DLG4: variants seen among roughly 807,000 people sequenced by gnomAD.
DLG4 encodes the protein discs large MAGUK scaffold protein 4, also known as disks large homolog 4.
Under a neutral mutation model 93.8 loss-of-function variants are expected in DLG4, and 7 were observed. That is an observed-to-expected ratio of 0.07 (90% CI 0.04 to 0.14). The LOEUF is 0.14. Among genes scored for constraint, DLG4 ranks in the 10% least tolerant of loss-of-function variants. The pLI, the probability that DLG4 is intolerant of heterozygous loss-of-function variation, is 1.00. For synonymous variants in DLG4, 341 were observed against 387.6 expected (o/e 0.88, Z 1.41); for missense variants, 545 against 992.9 (o/e 0.55, Z 6.06).
chr17:7,204,383 G>T, intron 2 of DLG4, 131 bp from the exon 3 acceptor site: 1 of 818,812 alleles, frequency 1.2e-6, no homozygotes, highest in Non-Finnish European at 1.9e-6. Context: ...CCTGAGAGCT[G>T]CTCAAGGGCC....
intron 1 of DLG4, among the ~76,000 whole-genome samples, chr17:7,213,100 T>TTCTTTC (rs1567551480): frequency 1.0e-4 from 13 of 125,410 alleles, no homozygotes; most frequent in African/African-American, 3.8e-4. Flanking sequence ...TCTTTCTTTT[T>TTCTTTC]TTTTTTTTTT....
At position 7,194,879 on chromosome 17, in the gene DLG4, C is replaced by T. The variant is rs535848047; in HGVS notation, c.1302-384G>A. Reference sequence around the variant, plus strand: ...CTAAAAATACAAAATATTAGCCGGGCACGGTGGCGGGTGCCTGTATTCCCA... The same window carrying T: ...CTAAAAATACAAAATATTAGCCGGGTACGGTGGCGGGTGCCTGTATTCCCA... On this transcript the variant is annotated intron_variant, in intron 11 of 19. Coordinates refer to ENST00000399506, the MANE Select transcript of DLG4 (RefSeq NM_001321075.3). The surrounding 1 kb of genome is among the most constrained non-coding windows in gnomAD (Gnocchi z 4.4). Among the ~76,000 whole-genome samples the T allele has an allele frequency of 1.6e-4, 24 of 151,880 alleles. No individual in the cohort carries two copies. The highest frequency in any genetic ancestry group is 3.4e-4 in the Non-Finnish European group (23 of 67,946).
chr17:7,219,998 G>T, upstream of DLG4: 1 of 1,603,550 alleles, frequency 6.2e-7, no homozygotes, highest in Non-Finnish European at 8.5e-7. Flanking sequence ...CAGGCGGCTC[G>T]GATGGCCGCG....
chr17:7,199,110 T>TTTA (rs2069974687), intron 8 of DLG4, among the ~76,000 whole-genome samples: 1 of 152,218 alleles, frequency 6.6e-6, no homozygotes, highest in Non-Finnish European at 1.5e-5. Flanking sequence ...AAAGGGAGGA[T>TTTA]AAATGCATGC....
At position 7,194,912 on chromosome 17, in the gene DLG4, G is replaced by A. The variant is rs1357359437; in HGVS notation, c.1302-417C>T. 6.6e-6 allele frequency among the ~76,000 whole-genome samples: 1 copy of A among 151,864 alleles called. No individual in the cohort carries two copies. The highest frequency in any genetic ancestry group is 6.6e-5 in the Admixed American group (1 of 15,250). On this transcript the variant is annotated intron_variant, in intron 11 of 19. Coordinates refer to ENST00000399506, the MANE Select transcript of DLG4 (RefSeq NM_001321075.3). The surrounding 1 kb of genome is among the most constrained non-coding windows in gnomAD (Gnocchi z 4.4). ...CGGGTGCCTGTATTCCCAGCTTCTC[G>A]GGAGGCTGAGGCAGGAAAATGGCAT...
Position 7,189,158 on chromosome 17 carries a change from G to GT in DLG4, c.*1549dup, listed in dbSNP as rs2142792641. Among the ~76,000 whole-genome samples, 1 of 148,730 alleles carries GT rather than the reference G, an allele frequency of 6.7e-6. No homozygotes were observed. Among genetic ancestry groups the GT allele is most frequent in the Non-Finnish European group, 1.5e-5 (1 of 67,404 alleles). ...GGGGGGGCGCATAAAGAAACCTAGCGTATATTCACACAGCAGTTCTTATCA... is the reference window on the plus strand; with the variant it reads ...GGGGGGGCGCATAAAGAAACCTAGCGTTATATTCACACAGCAGTTCTTATCA... On this transcript the variant is annotated 3_prime_UTR_variant, in exon 20 of 20. Coordinates refer to ENST00000399506, the MANE Select transcript of DLG4 (RefSeq NM_001321075.3).
At chr17:7,214,669 C>T (rs932237430) in intron 1 of DLG4, among the ~76,000 whole-genome samples, 5 of 152,242 alleles carry the variant, frequency 3.3e-5, no homozygotes, top group Non-Finnish European at 7.3e-5. Context: ...CTTCCGCCAC[C>T]CTCGCCCGGC....
chr17:7,219,609 A>C, upstream of DLG4: 2 of 1,162,886 alleles, frequency 1.7e-6, no homozygotes, highest in Non-Finnish European at 2.1e-6. Context: ...CTCTTTCCCT[A>C]CTTTTCCCTT....
rs916273608 is a variant in DLG4, at chr17:7,190,440, C to T, written c.*268G>A. 6.4e-6 allele frequency: 3 copies of T among 465,126 alleles called. No homozygotes were observed. The highest frequency in any genetic ancestry group is 2.4e-5 in the South Asian group (1 of 41,772). 28.8% of individuals were successfully genotyped at this position (465,126 alleles called of 1,614,324 possible). On this transcript the variant is annotated 3_prime_UTR_variant, in exon 20 of 20. Transcript: ENST00000399506. ...TGTGTGCATTGGGGGCAGGTGGGGGCGGGGATCCTAAGGAGCAAGGGCTCG... is the reference window on the plus strand; with the variant it reads ...TGTGTGCATTGGGGGCAGGTGGGGGTGGGGATCCTAAGGAGCAAGGGCTCG...
Position 7,187,704 on chromosome 17 carries a change from C to T in DLG4, c.*3004G>A, listed in dbSNP as rs1434826842. Among the ~76,000 whole-genome samples the T allele has an allele frequency of 1.3e-5, 2 of 152,058 alleles. No homozygotes were observed. Among genetic ancestry groups the T allele is most frequent in the Admixed American group, 6.6e-5 (1 of 15,252 alleles). Reference sequence around the variant, plus strand: ...CTCCTAGATTTCTCCCTTCAGCTCACGATAGAGAACGTTATCACAGCCTCA... The same window carrying T: ...CTCCTAGATTTCTCCCTTCAGCTCATGATAGAGAACGTTATCACAGCCTCA... On this transcript the variant is annotated 3_prime_UTR_variant, in exon 20 of 20. Coordinates refer to ENST00000399506, the MANE Select transcript of DLG4 (RefSeq NM_001321075.3).
At chr17:7,198,608 G>A (rs546772073) in intron 8 of DLG4, among the ~76,000 whole-genome samples, 1 of 152,160 alleles carries the variant, frequency 6.6e-6, no homozygotes, top group South Asian at 2.1e-4. Context: ...CCAGCACTTT[G>A]GGAGGCCGAG....
chr17:7,203,224 C>T lies in DLG4; in HGVS notation c.611G>A (p.Gly204Glu). Residue 204 changes from glycine (G) to glutamate (E), a missense_variant, in exon 7 of 20, where the codon GGG (glycine) becomes GAG (glutamate). Around this residue, in one of 5 missense-constraint regions of DLG4, gnomAD observed 428 missense variants for 741.4 expected, o/e 0.58. Transcript: ENST00000399506. This position sits in a 1 kb window ranked among gnomAD's most constrained non-coding sequence, Gnocchi z 7.2. Reference protein sequence around the residue: ...IIEGGAAHKDGRLQIGDKILA... With the variant: ...IIEGGAAHKDERLQIGDKILA... ...GATCTTGTCTCCAATCTGCAACCTC[C>T]CATCCTTGTGGGCAGCACCCCCTTC... 6.2e-7 allele frequency: 1 copy of T among 1,608,296 alleles called. No homozygotes were observed. Among genetic ancestry groups the T allele is most frequent in the African/African-American group, 1.3e-5 (1 of 74,970 alleles).
At chr17:7,198,601 G>A (rs1160501107) in intron 8 of DLG4, among the ~76,000 whole-genome samples, 2 of 152,064 alleles carry the variant, frequency 1.3e-5, no homozygotes, top group Admixed American at 6.6e-5. Context: ...TGTAATCCCA[G>A]CACTTTGGGA....
In DLG4 at chr17:7,193,823, T is replaced by TC. The variant is rs1244899760; in HGVS notation, c.1543+20dup. On this transcript the variant is annotated intron_variant, in intron 14 of 19. Coordinates refer to ENST00000399506, the MANE Select transcript of DLG4 (RefSeq NM_001321075.3). This position sits in a 1 kb window ranked among gnomAD's most constrained non-coding sequence, Gnocchi z 6.7. Reference sequence around the variant, plus strand: ...CTCAGTGCTCCTCTCACCCACATCTTCCCGAACTAACCCTACCTACCCTGC... The same window carrying TC: ...CTCAGTGCTCCTCTCACCCACATCTTCCCCGAACTAACCCTACCTACCCTGC... 3 of 1,612,910 alleles carry TC rather than the reference T, an allele frequency of 1.9e-6. No individual in the cohort carries two copies. Among genetic ancestry groups the TC allele is most frequent in the East Asian group, 4.5e-5 (2 of 44,856 alleles).
At chr17:7,202,709 C>T (rs966446226) in intron 8 of DLG4, 194 bp downstream of exon 8, 15 of 728,262 alleles carry the variant, frequency 2.1e-5, no homozygotes, top group Middle Eastern at 4.8e-4. Context: ...GGAGAGAGAT[C>T]GTTGACGATC....
In DLG4 at chr17:7,204,307, C is replaced by T. The variant is rs956875849; in HGVS notation, c.97-55G>A. On this transcript the variant is annotated intron_variant, in intron 2 of 19. Coordinates refer to ENST00000399506, the MANE Select transcript of DLG4 (RefSeq NM_001321075.3). Reference sequence around the variant, plus strand: ...GCCTGAGCCTTGACTCGAGAGGGAGCCCATAACGGAGGGTCCCATCAGCGT... The same window carrying T: ...GCCTGAGCCTTGACTCGAGAGGGAGTCCATAACGGAGGGTCCCATCAGCGT... 2.0e-6 allele frequency: 3 copies of T among 1,507,432 alleles called. No individual in the cohort carries two copies. In the African/African-American group the frequency reaches 4.2e-5, roughly 21 times the overall value. 93.4% of individuals were successfully genotyped at this position (1,507,432 alleles called of 1,614,324 possible). A position where few individuals can be genotyped will look rare whatever the true frequency, so the allele number is the denominator to read the frequency against.
upstream of DLG4, chr17:7,217,902 C>T: frequency 7.5e-7 from 1 of 1,341,472 alleles, no homozygotes; most frequent in Non-Finnish European, 1.0e-6. Context: ...AGGGAGGCCT[C>T]TCGGCAGGCG....
rs1555599123 is a variant in DLG4, at chr17:7,187,308, G to GGGT, written c.*3399_*3400insACC. On this transcript the variant is annotated 3_prime_UTR_variant, in exon 20 of 20. Coordinates refer to ENST00000399506, the MANE Select transcript of DLG4 (RefSeq NM_001321075.3). ...TAATCCTAGCACTTTGGGAGGCCGA[G>GGGT]GGGGGGGGGGGTGGATCACCCGAGG... is the stretch of plus-strand genomic sequence containing the variant. Among the ~76,000 whole-genome samples, 3 of 75,018 alleles carry GGGT rather than the reference G, an allele frequency of 4.0e-5. 1 individual carries two copies. The East Asian group carries it at 1.5e-3, about 37-fold the overall frequency. The allele number at this position is 75,018 out of a possible 152,430, so 49.2% of individuals were successfully genotyped here.
chr17:7,194,024 G>A lies in DLG4; in HGVS notation c.1479-24C>T, dbSNP rs765504973. 1.7e-5 allele frequency: 27 copies of A among 1,611,930 alleles called. No homozygotes were observed. The highest frequency in any genetic ancestry group is 4.4e-5 in the South Asian group (4 of 90,586). ...CCCTGTGGGATACATGGAGGGATAC[G>A]CGGGTAGGGGAATGCCTACCCCCTG... On this transcript the variant is annotated intron_variant, in intron 12 of 19. Transcript: ENST00000399506. The surrounding 1 kb of genome is among the most constrained non-coding windows in gnomAD (Gnocchi z 4.4).
Sources: gnomAD v4.1 joint callset for allele counts (sites outside exome capture counted in the v4.1 genomes callset) on GRCh38, gnomAD v4.1.1 for gene constraint, gnomAD v4.1.1 regional missense constraint, Gnocchi (gnomAD v3.1) non-coding constraint, MANE v1.5 for transcripts, NCBI Gene and HGNC (gene_info 2026-07-23, HGNC 2026-07-21) for gene names.